Variants in SRSF12 observed in about 807,000 individuals in gnomAD.
SRSF12 encodes serine/arginine-rich splicing factor 12.
In SRSF12, 21 loss-of-function variants were observed where a neutral mutation model predicts 34.1. That is an observed-to-expected ratio of 0.62 (90% confidence interval 0.44 to 0.89). The LOEUF is 0.89. Ranked by LOEUF, SRSF12 falls within the 40% of genes least tolerant of loss-of-function variation. The pLI is 0.00. For missense variants in SRSF12, 278 were observed against 327.8 expected, an observed-to-expected ratio of 0.85 and a Z score of 1.17; for synonymous variants, 111 against 110.8, an observed-to-expected ratio of 1.00 and a Z score of -0.01.
rs563962156 is a variant in SRSF12, at chr6:89,099,206, A to G, written c.417-259T>C. Reference sequence around the variant, plus strand: ...GGATCAGTTCTGAAAAATACACTGCATATTTGGTCTGAGTTATACAGCTCT... The same window carrying G: ...GGATCAGTTCTGAAAAATACACTGCGTATTTGGTCTGAGTTATACAGCTCT... On this transcript the variant is annotated intron_variant, in intron 4 of 4. Coordinates refer to ENST00000452027, the MANE Select transcript of SRSF12 (RefSeq NM_080743.5). Among the ~76,000 whole-genome samples the G allele has an allele frequency of 3.7e-4, 56 of 152,058 alleles. No homozygotes were observed. In the South Asian group the frequency reaches 9.7e-3, roughly 26 times the overall value.
intron 2 of SRSF12, among the ~76,000 whole-genome samples, chr6:89,106,522 T>C (rs1298192188): frequency 2.6e-5 from 4 of 152,200 alleles, no homozygotes; most frequent in African/African-American, 7.2e-5. Flanking sequence ...CTAAACTTCC[T>C]TATGTATATA....
chr6:89,099,431 TATATATATACAC>T (rs1768416357), intron 4 of SRSF12, among the ~76,000 whole-genome samples: 2 of 135,256 alleles, frequency 1.5e-5, no homozygotes, highest in African/African-American at 5.4e-5. Flanking sequence ...TATATGTGTG[TATATATATACAC>T]ATATATATGT....
At chr6:89,117,440 G>A (rs1769358542) in intron 1 of SRSF12, among the ~76,000 whole-genome samples, 2 of 152,188 alleles carry the variant, frequency 1.3e-5, no homozygotes, top group Non-Finnish European at 2.9e-5. Flanking sequence ...GGGGCACGGC[G>A]ACAAAGGAGC....
In SRSF12 at chr6:89,117,999, C is replaced by A. The variant is rs1389106050; in HGVS notation, c.-112G>T. On this transcript the variant is annotated 5_prime_UTR_variant, in exon 1 of 5. Coordinates refer to ENST00000452027, the MANE Select transcript of SRSF12 (RefSeq NM_080743.5). ...CCGCCGGCCCCCGGCGCGACCCCCA[C>A]CCCTCGGCCTCAGCCCCGCCAGCGC... 1.7e-6 allele frequency: 2 copies of A among 1,182,198 alleles called. No homozygotes were observed. Among genetic ancestry groups the A allele is most frequent in the Non-Finnish European group, 2.3e-6 (2 of 860,278 alleles). 73.2% of individuals were successfully genotyped at this position (1,182,198 alleles called of 1,614,324 possible). A position where few individuals can be genotyped will look rare whatever the true frequency, so the allele number is the denominator to read the frequency against.
chr6:89,107,450 C>A (rs1768847698), intron 1 of SRSF12, among the ~76,000 whole-genome samples, 192 bp from the exon 2 acceptor site: 1 of 152,122 alleles, frequency 6.6e-6, no homozygotes, highest in South Asian at 2.1e-4. Context: ...CATTCTCAGG[C>A]CAGGTGTGGT....
chr6:89,105,797 T>C (rs1768755698), intron 2 of SRSF12: 1 of 205,016 alleles, frequency 4.9e-6, no homozygotes, highest in South Asian at 1.7e-4. Flanking sequence ...ATAGTGTGGC[T>C]GCAGTATGCA....
At chr6:89,111,993 A>C (rs1351542506) in intron 1 of SRSF12, among the ~76,000 whole-genome samples, 2 of 152,234 alleles carry the variant, frequency 1.3e-5, no homozygotes, top group Non-Finnish European at 2.9e-5. Context: ...CAGTGAAAAG[A>C]AACATAACAC....
Position 89,098,884 on chromosome 6 carries a change from C to CCG in SRSF12, c.478_479dup (p.Ser161GlyfsTer33). On this transcript the variant is annotated frameshift_variant, in exon 5 of 5. Coordinates refer to ENST00000452027, the MANE Select transcript of SRSF12 (RefSeq NM_080743.5). LOFTEE classifies it high-confidence loss of function. Reference sequence around the variant, plus strand: ...TTCTTGACTGCCTTGCTGAGGTAGACCGCCTTGGTAATGATTTGGAACGAG... The same window carrying CCG: ...TTCTTGACTGCCTTGCTGAGGTAGACCGCGCCTTGGTAATGATTTGGAACGAG... The CCG allele has an allele frequency of 1.2e-6, 2 of 1,613,848 alleles. No individual in the cohort carries two copies. The highest frequency in any genetic ancestry group is 1.7e-6 in the Non-Finnish European group (2 of 1,179,864).
Position 89,102,555 on chromosome 6 carries a change from C to A in SRSF12, c.416+2564G>T, listed in dbSNP as rs544506901. 1.3e-4 allele frequency among the ~76,000 whole-genome samples: 20 copies of A among 151,478 alleles called. No homozygotes were observed. In the East Asian group the frequency reaches 3.9e-3, roughly 29 times the overall value. On this transcript the variant is annotated intron_variant, in intron 4 of 4. Coordinates refer to ENST00000452027, the MANE Select transcript of SRSF12 (RefSeq NM_080743.5). The stretch of plus-strand genomic sequence containing the variant: ...TCATTTTGTAGACAGCTGTAGGAAG[C>A]AAAATGAAGAAAATGTCCTTGAAAA...
At position 89,117,865 on chromosome 6, in the gene SRSF12, G is replaced by T; in HGVS notation, c.23C>A (p.Pro8His). The change falls in exon 1 of 5, where the codon CCC (proline) becomes CAC (histidine). Residue 8 changes from proline to histidine, a missense_variant. Coordinates refer to ENST00000452027, the MANE Select transcript of SRSF12 (RefSeq NM_080743.5). Reference sequence around the variant, plus strand: ...GTTCCTGATGAACAGGGAGGTGTTGGGGGGCCTCGTGTAGCGAGACATGAC... The same window carrying T: ...GTTCCTGATGAACAGGGAGGTGTTGTGGGGCCTCGTGTAGCGAGACATGAC... MSRYTRP[P>H]NTSLFIRNVA... 1 of 1,563,406 alleles carries T rather than the reference G, an allele frequency of 6.4e-7. No individual in the cohort carries two copies.
At chr6:89,102,558 A>G (rs1768586194) in intron 4 of SRSF12, among the ~76,000 whole-genome samples, 1 of 152,172 alleles carries the variant, frequency 6.6e-6, no homozygotes, top group Admixed American at 6.5e-5. Context: ...TAGGAAGCAA[A>G]ATGAAGAAAA....
chr6:89,108,559 G>C (rs1768898134), intron 1 of SRSF12, among the ~76,000 whole-genome samples: 1 of 152,184 alleles, frequency 6.6e-6, no homozygotes, highest in Admixed American at 6.5e-5. Flanking sequence ...ATCAAGCTAT[G>C]ATCATAAAAT....
intron 4 of SRSF12, among the ~76,000 whole-genome samples, chr6:89,100,443 C>T (rs1768488728): frequency 6.6e-6 from 1 of 151,794 alleles, no homozygotes; most frequent in Non-Finnish European, 1.5e-5. Context: ...ACTCTGTCTA[C>T]CAGAAGAAAA....
chr6:89,103,392 GATCTCAGCTCACTGCA>G (rs2127991582), intron 4 of SRSF12, among the ~76,000 whole-genome samples: 1 of 151,196 alleles, frequency 6.6e-6, no homozygotes, highest in East Asian at 1.9e-4. Flanking sequence ...GCAGTGGCGT[GATCTCAGCTCACTGCA>G]ACCTCTGCCT....
At chr6:89,116,803 A>G (rs1427479617) in intron 1 of SRSF12, among the ~76,000 whole-genome samples, 3 of 151,990 alleles carry the variant, frequency 2.0e-5, no homozygotes, top group Non-Finnish European at 4.4e-5. Flanking sequence ...AAAAAATAAA[A>G]AATACTTAAC....
At position 89,118,023 on chromosome 6, in the gene SRSF12, G is replaced by A. The variant is rs1769399907; in HGVS notation, c.-136C>T. On this transcript the variant is annotated 5_prime_UTR_variant, in exon 1 of 5. Transcript: ENST00000452027. ...ACCCCTCGGCCTCAGCCCCGCCAGC[G>A]CGCAGCCGCAGAGGCCGGCGCAGAG... 6.8e-6 allele frequency: 6 copies of A among 887,516 alleles called. No homozygotes were observed. The highest frequency in any genetic ancestry group is 4.2e-5 in the Admixed American group (1 of 23,858). The allele number at this position is 887,516 out of a possible 1,614,324, so 55.0% of individuals were successfully genotyped here.
intron 1 of SRSF12, among the ~76,000 whole-genome samples, chr6:89,117,238 A>G (rs1384033753): frequency 6.6e-6 from 1 of 152,188 alleles, no homozygotes; most frequent in East Asian, 1.9e-4. Flanking sequence ...AAACGCACTG[A>G]TCTCATTCAT....
At chr6:89,107,916 A>G (rs1376831986) in intron 1 of SRSF12, among the ~76,000 whole-genome samples, 4 of 152,186 alleles carry the variant, frequency 2.6e-5, no homozygotes, top group African/African-American at 7.2e-5. Flanking sequence ...GAAAGTTATT[A>G]TAAGACCTAA....
intron 4 of SRSF12, among the ~76,000 whole-genome samples, chr6:89,103,199 CA>C (rs935127843): frequency 2.6e-5 from 4 of 152,124 alleles, no homozygotes; most frequent in African/African-American, 9.7e-5. Context: ...TGATTTGAGA[CA>C]GTCAAGTATT....
Sources: allele counts gnomAD v4.1 joint callset (sites outside exome capture counted in the v4.1 genomes callset), GRCh38; gene constraint gnomAD v4.1.1; transcripts MANE v1.5; gene names NCBI Gene and HGNC (gene_info 2026-07-23, HGNC 2026-07-21).